The following BOK variants were observed in gnomAD, a reference collection of about 807,000 sequenced individuals.
BOK encodes bcl-2-related ovarian killer protein.
In BOK, 20 loss-of-function variants were observed where a neutral mutation model predicts 18.3. The ratio of observed to expected loss-of-function variants is 1.09; its 90% CI spans 0.77 to 1.59. BOK has a LOEUF of 1.59. Among genes scored for constraint, BOK ranks in the 40% most tolerant of loss-of-function variants. The pLI is 0.00. For synonymous variants in BOK, 173 were observed against 142.4 expected (o/e 1.21, Z -1.53); for missense variants, 348 against 307.9 (o/e 1.13, Z -0.97).
intron 4 of BOK, among the ~76,000 whole-genome samples, chr2:241,571,494 G>T (rs1488362854): frequency 6.6e-6 from 1 of 152,298 alleles, no homozygotes; most frequent in East Asian, 1.9e-4. Flanking sequence ...TGGTCTGCGG[G>T]GGCTGTGGTC....
intron 1 of BOK, among the ~76,000 whole-genome samples, chr2:241,552,550 G>A (rs891153133): frequency 1.3e-5 from 2 of 152,164 alleles, no homozygotes; most frequent in Non-Finnish European, 1.5e-5. Flanking sequence ...GGCCAGGCAG[G>A]ACCCACCTAT....
upstream of BOK, among the ~76,000 whole-genome samples, chr2:241,555,072 C>A (rs2066440260): frequency 6.6e-6 from 1 of 152,158 alleles, no homozygotes; most frequent in Non-Finnish European, 1.5e-5. Context: ...GGGCCTCCTC[C>A]AGGTCTCAGT....
chr2:241,572,111 G>A (rs559017871), intron 4 of BOK, among the ~76,000 whole-genome samples, 186 bp from the exon 5 acceptor site: 57 of 152,360 alleles, frequency 3.7e-4, no homozygotes, highest in Non-Finnish European at 5.1e-4. Flanking sequence ...GAATGTGCAC[G>A]GCATCGGGTC....
intron 1 of BOK, among the ~76,000 whole-genome samples, chr2:241,551,644 G>A (rs1347574826): frequency 1.3e-5 from 2 of 151,650 alleles, no homozygotes; most frequent in African/African-American, 4.8e-5. Context: ...CCCTGCTGTT[G>A]GCTGAGTCCA....
intron 3 of BOK, among the ~76,000 whole-genome samples, chr2:241,565,120 T>G (rs2066591122): frequency 6.6e-6 from 1 of 152,094 alleles, no homozygotes; most frequent in South Asian, 2.1e-4. Context: ...GGGCTATGTG[T>G]AGAGTTCAGT....
In BOK at chr2:241,566,764, C is replaced by T. The variant is rs755604568; in HGVS notation, c.350-3361C>T. On this transcript the variant is annotated intron_variant, in intron 3 of 4. Coordinates refer to ENST00000318407, the MANE Select transcript of BOK (RefSeq NM_032515.5). ...ATACGCCAGACACAAAATGAACAAG[C>T]CGTGTGATTACACTTATGTGAAATT... Among the ~76,000 whole-genome samples the T allele has an allele frequency of 8.5e-5, 10 of 117,664 alleles. 1 individual carries two copies. The allele number at this position is 117,664 out of a possible 152,430, so 77.2% of individuals were successfully genotyped here.
At chr2:241,556,028 A>G (rs747982208), upstream of BOK, among the ~76,000 whole-genome samples, 6 of 152,128 alleles carry the variant, frequency 3.9e-5, no homozygotes, top group Non-Finnish European at 7.4e-5. Context: ...TTAGACCCCA[A>G]GGTTTACAGT....
chr2:241,553,038 G>A (rs1314378892), intron 1 of BOK, among the ~76,000 whole-genome samples: 3 of 152,234 alleles, frequency 2.0e-5, no homozygotes, highest in African/African-American at 7.2e-5. Context: ...TGAGGTGGCC[G>A]GCACAAAGTC....
chr2:241,558,708 T>A (rs898359364), upstream of BOK: 1 of 152,180 alleles, frequency 6.6e-6, no homozygotes, highest in African/African-American at 2.4e-5. Context: ...GCCCCCAGGG[T>A]TGCCTTTCCC....
intron 1 of BOK, among the ~76,000 whole-genome samples, chr2:241,552,429 C>G (rs983327934): frequency 2.6e-5 from 4 of 152,200 alleles, no homozygotes; most frequent in Non-Finnish European, 5.9e-5. Context: ...CCGGTCCACA[C>G]CCTGTCCGGC....
upstream of BOK, chr2:241,558,576 T>G (rs915561248): frequency 6.6e-6 from 1 of 152,324 alleles, no homozygotes; most frequent in African/African-American, 2.4e-5. Flanking sequence ...GGGCTGGCTC[T>G]AGGTCCCCAC....
intron 3 of BOK, among the ~76,000 whole-genome samples, chr2:241,565,214 C>G (rs2066592916): frequency 6.6e-6 from 1 of 152,110 alleles, no homozygotes; most frequent in Non-Finnish European, 1.5e-5. Context: ...CAGGCTTGTC[C>G]CACGCAGGCC....
upstream of BOK, among the ~76,000 whole-genome samples, chr2:241,558,486 C>T (rs1278372056): frequency 6.6e-6 from 1 of 152,246 alleles, no homozygotes; most frequent in Non-Finnish European, 1.5e-5. Context: ...GAACACGTCT[C>T]CAGACTCTGG....
chr2:241,567,296 T>C (rs2066631472), intron 3 of BOK, among the ~76,000 whole-genome samples: 1 of 133,284 alleles, frequency 7.5e-6, no homozygotes, highest in Non-Finnish European at 1.6e-5. Flanking sequence ...TTGGCTAATG[T>C]TTGTATTTTT....
intron 3 of BOK, among the ~76,000 whole-genome samples, chr2:241,564,193 G>T (rs1022692038): frequency 2.0e-5 from 3 of 152,242 alleles, no homozygotes; most frequent in Non-Finnish European, 1.5e-5. Flanking sequence ...GTCCAGGCGG[G>T]GTCTGGTCCT....
chr2:241,568,981 G>A (rs2066661052), intron 3 of BOK, among the ~76,000 whole-genome samples: 1 of 151,772 alleles, frequency 6.6e-6, no homozygotes, highest in Non-Finnish European at 1.5e-5. Flanking sequence ...CTCCCTCCGG[G>A]GACCGCTGCT....
chr2:241,564,023 G>A (rs1480511438), intron 3 of BOK, among the ~76,000 whole-genome samples: 3 of 152,196 alleles, frequency 2.0e-5, no homozygotes, highest in Admixed American at 1.3e-4. Flanking sequence ...TCGGCTGGAG[G>A]CCAAGGCGGC....
chr2:241,553,146 G>T (rs1429344693), intron 1 of BOK, among the ~76,000 whole-genome samples: 1 of 150,496 alleles, frequency 6.6e-6, no homozygotes, highest in Admixed American at 6.7e-5. Context: ...ACCTGAGACT[G>T]GGTTATTTAT....
At chr2:241,559,781 G>A (rs1310148696) in intron 2 of BOK, 78 bp downstream of exon 2, 8 of 1,262,262 alleles carry the variant, frequency 6.3e-6, no homozygotes, top group Non-Finnish European at 8.0e-6. Context: ...GCCGAGATGG[G>A]GGTCCGGCCC....
Sources: allele counts gnomAD v4.1 joint callset (sites outside exome capture counted in the v4.1 genomes callset), GRCh38; gene constraint gnomAD v4.1.1; transcripts MANE v1.5; gene names NCBI Gene and HGNC (gene_info 2026-07-23, HGNC 2026-07-21).